TMEM235: variants seen among roughly 807,000 people sequenced by gnomAD.
TMEM235 encodes transmembrane protein 235.
TMEM235 carries 23 observed loss-of-function variants against 22.9 expected under a neutral mutation model. The observed-to-expected ratio is 1.00, with a 90% confidence interval of 0.72 to 1.42. The LOEUF is 1.42. Among genes scored for constraint, TMEM235 ranks in the 40% most tolerant of loss-of-function variants. The pLI is 0.00. For synonymous variants in TMEM235, 137 were observed against 140.5 expected (o/e 0.98, Z 0.17); for missense variants, 308 against 299.5 (o/e 1.03, Z -0.21).
intron 3 of TMEM235, 82 bp from the exon 3 acceptor site, chr17:78,234,511 C>T: frequency 6.6e-7 from 1 of 1,516,622 alleles, no homozygotes; most frequent in Admixed American, 2.0e-5. Flanking sequence ...GAAGACGAAG[C>T]ACCACGTCAC....
exon 4 of TMEM235, chr17:78,234,694 C>G: frequency 1.3e-6 from 2 of 1,536,034 alleles, no homozygotes; most frequent in Non-Finnish European, 1.7e-6. Flanking sequence ...GAGCGTGTCT[C>G]TGCTGCTTTT....
chr17:78,235,400 G>C (rs1341083803), intron 4 of TMEM235, among the ~76,000 whole-genome samples: 1 of 151,828 alleles, frequency 6.6e-6, no homozygotes, highest in Non-Finnish European at 1.5e-5. Flanking sequence ...CAATTCTCCT[G>C]CCTCAGCCTC....
Position 78,238,779 on chromosome 17 carries a change from A to G in TMEM235, c.410-245A>G, listed in dbSNP as rs991813569. On this transcript the variant is annotated intron_variant, in intron 4 of 5. Coordinates refer to ENST00000421688, the Ensembl canonical transcript of TMEM235. The surrounding 1 kb of genome is among the most constrained non-coding windows in gnomAD (Gnocchi z 4.3). ...CTGAATTGGAGCCTCTTAAAGCTCCACTCCGCCAAATGCAGTTGACTACCT... is the reference window on the plus strand; with the variant it reads ...CTGAATTGGAGCCTCTTAAAGCTCCGCTCCGCCAAATGCAGTTGACTACCT... 6.6e-6 allele frequency among the ~76,000 whole-genome samples: 1 copy of G among 151,776 alleles called. No individual in the cohort carries two copies. The highest frequency in any genetic ancestry group is 1.5e-5 in the Non-Finnish European group (1 of 67,958).
At chr17:78,239,271 G>A in exon 5 of TMEM235, 1 of 1,539,264 alleles carries the variant, frequency 6.5e-7, no homozygotes. Context: ...AGGTGGGAGG[G>A]AGGTAAGAGG....
chr17:78,234,674 C>G (rs950362835), exon 4 of TMEM235: 3 of 1,536,044 alleles, frequency 2.0e-6, no homozygotes, highest in Admixed American at 2.0e-5. Flanking sequence ...CTGCTCAGCT[C>G]CCTGGCCCAG....
rs8068282 is a variant in TMEM235, at chr17:78,231,607, T to C, written c.-417T>C. The C allele has an allele frequency of 2.4e-3, 3,189 of 1,303,512 alleles. 76 individuals carry two copies. In the African/African-American group the frequency reaches 0.043, roughly 18 times the overall value. 80.7% of individuals were successfully genotyped at this position (1,303,512 alleles called of 1,614,324 possible). On this transcript the variant is annotated 5_prime_UTR_variant, in exon 2 of 6. Transcript: ENST00000421688. ...CGGCCATCCTCCTGGGGTCGGTCTC[T>C]GGCCGATCCTCCCTCCTCCTCTCAA...
chr17:78,239,783 G>T, exon 6 of TMEM235: 1 of 1,545,786 alleles, frequency 6.5e-7, no homozygotes, highest in Non-Finnish European at 8.8e-7. Flanking sequence ...TTTACAGAGG[G>T]GGAGACTGAG....
rs1046590306 is a variant in TMEM235, at chr17:78,234,841, G to A, written c.409+111G>A. ...CCTCGTCCCCTGCTCCCTTCTGGGC[G>A]GGTGCTGAGTCTGGCGATGGAGCCG... is the stretch of plus-strand genomic sequence containing the variant. On this transcript the variant is annotated intron_variant, in intron 4 of 5. Coordinates refer to ENST00000421688, the Ensembl canonical transcript of TMEM235. 1.1e-4 allele frequency: 155 copies of A among 1,405,276 alleles called. 1 individual carries two copies. The highest frequency in any genetic ancestry group is 4.4e-4 in the Middle Eastern group (2 of 4,496). The allele number at this position is 1,405,276 out of a possible 1,614,324, so 87.1% of individuals were successfully genotyped here.
chr17:78,234,856 C>T (rs758367407), intron 4 of TMEM235, 126 bp downstream of exon 3: 16 of 1,263,772 alleles, frequency 1.3e-5, no homozygotes, highest in Admixed American at 9.5e-5. Flanking sequence ...CTGAGTCTGG[C>T]GATGGAGCCG....
At chr17:78,235,552 G>T (rs1024199346) in intron 4 of TMEM235, among the ~76,000 whole-genome samples, 2 of 151,126 alleles carry the variant, frequency 1.3e-5, no homozygotes, top group East Asian at 3.9e-4. Flanking sequence ...CTCCCTAAGT[G>T]CTGGGATTAT....
rs530738776 is a variant in TMEM235, at chr17:78,234,879, C to T, written c.409+149C>T. 2.6e-4 allele frequency: 259 copies of T among 1,006,336 alleles called. 1 individual carries two copies. The African/African-American group carries it at 3.9e-3, about 15-fold the overall frequency. The allele number at this position is 1,006,336 out of a possible 1,614,324, so 62.3% of individuals were successfully genotyped here. A position where few individuals can be genotyped will look rare whatever the true frequency, so the allele number is the denominator to read the frequency against. On this transcript the variant is annotated intron_variant, in intron 4 of 5. Coordinates refer to ENST00000421688, the Ensembl canonical transcript of TMEM235. ...GGCGATGGAGCCGTGGCAGGCAGCT[C>T]CCTGTGGTTCCAGAAGGTACCCATG...
At position 78,239,286 on chromosome 17, in the gene TMEM235, T is replaced by C; in HGVS notation, c.659+13T>C. 2 of 1,535,842 alleles carry C rather than the reference T, an allele frequency of 1.3e-6. No individual in the cohort carries two copies. Among genetic ancestry groups the C allele is most frequent in the Non-Finnish European group, 1.7e-6 (2 of 1,145,384 alleles). On this transcript the variant is annotated intron_variant, in intron 5 of 5. Coordinates refer to ENST00000421688, the Ensembl canonical transcript of TMEM235. Reference sequence around the variant, plus strand: ...AGGTGGGAGGGAGGTAAGAGGGGGCTGGGTTTCCCTTTGCACCTCCCGGGA... The same window carrying C: ...AGGTGGGAGGGAGGTAAGAGGGGGCCGGGTTTCCCTTTGCACCTCCCGGGA...
chr17:78,239,085 G>C (rs2076678410), exon 5 of TMEM235: 1 of 1,544,486 alleles, frequency 6.5e-7, no homozygotes, highest in East Asian at 2.4e-5. Flanking sequence ...CCTTTGCGGA[G>C]ACGGTGCAGC....
At chr17:78,232,318 C>T (rs772090758) in intron 2 of TMEM235, 105 bp downstream of exon 1, 10 of 1,128,380 alleles carry the variant, frequency 8.9e-6, no homozygotes, top group Admixed American at 3.9e-5. Context: ...CCTTCCAGGA[C>T]CCCTCTCTTG....
In TMEM235 at chr17:78,231,499, T is replaced by C. The variant is rs576003246; in HGVS notation, c.-525T>C. 16 of 1,304,176 alleles carry C rather than the reference T, an allele frequency of 1.2e-5. No homozygotes were observed. The African/African-American group carries it at 2.1e-4, about 17-fold the overall frequency. 80.8% of individuals were successfully genotyped at this position (1,304,176 alleles called of 1,614,324 possible). A position where few individuals can be genotyped will look rare whatever the true frequency, so the allele number is the denominator to read the frequency against. On this transcript the variant is annotated 5_prime_UTR_variant, in exon 2 of 6. Transcript: ENST00000421688. The stretch of plus-strand genomic sequence containing the variant: ...ATGCCGTCTGGTTGGTCCTCAGGAC[T>C]GATACAGACCAGGACCCCAGGGCCA...
intron 2 of TMEM235, among the ~76,000 whole-genome samples, chr17:78,233,329 T>A (rs1054611408): frequency 2.0e-5 from 3 of 152,236 alleles, no homozygotes; most frequent in Non-Finnish European, 4.4e-5. Context: ...CAAGGACCCC[T>A]GCCTGAGGGA....
chr17:78,232,010 C>A lies in TMEM235; in HGVS notation c.-14C>A, dbSNP rs1599039358. 13 of 1,268,348 alleles carry A rather than the reference C, an allele frequency of 1.0e-5. No homozygotes were observed. In the South Asian group the frequency reaches 2.5e-4, roughly 24 times the overall value. The allele number at this position is 1,268,348 out of a possible 1,614,324, so 78.6% of individuals were successfully genotyped here. On this transcript the variant is annotated 5_prime_UTR_variant, in exon 2 of 6. Transcript: ENST00000421688. The stretch of plus-strand genomic sequence containing the variant: ...CTGCTACCCCCGACCCGTCCCCTCC[C>A]GCCGGCCGCCCCCATGGCCCGGCTG...
rs56319950 is a variant in TMEM235, at chr17:78,239,249, T to A, written c.635T>A (p.Leu212Gln). 1.4e-3 allele frequency: 2,188 copies of A among 1,541,998 alleles called. 26 individuals carry two copies. The African/African-American group carries it at 0.026, about 18-fold the overall frequency. The change falls in exon 5 of 6, where the codon CTG becomes CAG. Residue 212 changes from leucine (L) to glutamine (Q), a missense_variant. By Grantham distance (113) the Leu-to-Gln change is moderately radical. Coordinates refer to ENST00000421688, the Ensembl canonical transcript of TMEM235. The stretch of plus-strand genomic sequence containing the variant: ...CTGAGCCCCCCAATCTGTGGTCATC[T>A]GAGTCCCCAGCAGGTGGGAGGGAGG...
chr17:78,236,944 G>A (rs1374280416), intron 4 of TMEM235, among the ~76,000 whole-genome samples: 4 of 152,238 alleles, frequency 2.6e-5, no homozygotes, highest in Non-Finnish European at 4.4e-5. Context: ...GCCCATCTGT[G>A]AGTGTTCAAA....
Sources: allele counts gnomAD v4.1 joint callset (sites outside exome capture counted in the v4.1 genomes callset), GRCh38; gene constraint gnomAD v4.1.1; non-coding constraint Gnocchi (gnomAD v3.1); transcripts MANE v1.5; gene names NCBI Gene and HGNC (gene_info 2026-07-23, HGNC 2026-07-21).